CCDC60: variants seen among roughly 807,000 people sequenced by gnomAD.
CCDC60 encodes coiled-coil domain-containing protein 60.
CCDC60 carries 54 observed loss-of-function variants against 63.5 expected under a neutral mutation model. The observed-to-expected ratio is 0.85, with a 90% CI of 0.68 to 1.07. The LOEUF (loss-of-function observed/expected upper bound fraction) is 1.07. Ranked by LOEUF, CCDC60 falls within the 50% of genes least tolerant of loss-of-function variation. CCDC60 has a pLI of 0.00. For synonymous variants in CCDC60, 206 were observed against 238.8 expected (o/e 0.86, Z 1.27); for missense variants, 651 against 684.3 (o/e 0.95, Z 0.54).
At chr12:119,436,731 G>C (rs1055722977) in intron 2 of CCDC60, among the ~76,000 whole-genome samples, 7 of 152,076 alleles carry the variant, frequency 4.6e-5, no homozygotes, top group Admixed American at 1.3e-4. Flanking sequence ...GTAGAGATAG[G>C]GTTTCACCAT....
chr12:119,405,903 G>A (rs1354128016), intron 1 of CCDC60, among the ~76,000 whole-genome samples: 1 of 152,064 alleles, frequency 6.6e-6, no homozygotes, highest in Admixed American at 6.5e-5. Context: ...TGGGTGTGGT[G>A]GCTCACGCCT....
chr12:119,376,547 G>C (rs1309969854), intron 1 of CCDC60, among the ~76,000 whole-genome samples: 1 of 152,146 alleles, frequency 6.6e-6, no homozygotes, highest in African/African-American at 2.4e-5. Context: ...AGGATCGCTT[G>C]AACCTAGGAA....
In CCDC60 at chr12:119,468,218, A is replaced by C. The variant is rs918510689; in HGVS notation, c.171-3776A>C. Among the ~76,000 whole-genome samples the C allele has an allele frequency of 3.9e-5, 6 of 152,144 alleles. No individual in the cohort carries two copies. The East Asian group carries it at 1.2e-3, about 29-fold the overall frequency. On this transcript the variant is annotated intron_variant, in intron 2 of 13. Transcript: ENST00000327554. Reference sequence around the variant, plus strand: ...GAGGCAGGAGAATTGCTTGAACCCAAGAGGTGGGGGTTGCAGTGAGCCGAG... The same window carrying C: ...GAGGCAGGAGAATTGCTTGAACCCACGAGGTGGGGGTTGCAGTGAGCCGAG...
chr12:119,395,648 A>T (rs1462354562), intron 1 of CCDC60, among the ~76,000 whole-genome samples: 1 of 152,254 alleles, frequency 6.6e-6, no homozygotes, highest in Non-Finnish European at 1.5e-5. Context: ...CAGCACGGTA[A>T]TGAGTTTCAC....
intron 2 of CCDC60, among the ~76,000 whole-genome samples, chr12:119,446,468 A>G (rs951160677): frequency 1.3e-5 from 2 of 152,234 alleles, no homozygotes; most frequent in Non-Finnish European, 2.9e-5. Flanking sequence ...TACAATGTCA[A>G]TGATGCCCCT....
At chr12:119,360,220 C>T (rs1249565728) in intron 1 of CCDC60, among the ~76,000 whole-genome samples, 1 of 151,270 alleles carries the variant, frequency 6.6e-6, no homozygotes, top group Non-Finnish European at 1.5e-5. Flanking sequence ...AGGGGCTCCT[C>T]ACTTCCCAGT....
chr12:119,397,073 G>C (rs1956269459), intron 1 of CCDC60, among the ~76,000 whole-genome samples: 1 of 151,694 alleles, frequency 6.6e-6, no homozygotes. Context: ...GGCATCTGGA[G>C]TTGTTCGTTC....
rs373378681 is a variant in CCDC60 at position 119,513,998 on chromosome 12, T to C, written c.884-2625T>C. On this transcript the variant is annotated intron_variant, in intron 7 of 13. Coordinates refer to ENST00000327554, the MANE Select transcript of CCDC60 (RefSeq NM_178499.5). The stretch of plus-strand genomic sequence containing the variant: ...CCCTAGGTAGATCCTTCAGGAGATA[T>C]GCCAGAAGAAGGCATTGTTATCATG... 2.7e-4 allele frequency among the ~76,000 whole-genome samples: 41 copies of C among 152,290 alleles called. No individual in the cohort carries two copies. In the South Asian group the frequency reaches 2.7e-3, roughly 10 times the overall value.
rs145675051 is a variant in CCDC60, at chr12:119,446,084, T to TAATA, written c.170+17331_170+17334dup. On this transcript the variant is annotated intron_variant, in intron 2 of 13. Coordinates refer to ENST00000327554, the MANE Select transcript of CCDC60 (RefSeq NM_178499.5). Reference sequence around the variant, plus strand: ...AATAACTTATGGAAAAATTTAAAAATAATAAATAAATAGTGTTTCCTGACA... The same window carrying TAATA: ...AATAACTTATGGAAAAATTTAAAAATAATAAATAAATAAATAGTGTTTCCTGACA... Among the ~76,000 whole-genome samples the TAATA allele has an allele frequency of 7.1e-3, 1,084 of 152,082 alleles. 35 individuals are homozygous for TAATA. The highest frequency in any genetic ancestry group is 0.057 in the East Asian group (297 of 5,166).
At position 119,537,935 on chromosome 12, in the gene CCDC60, C is replaced by G. The variant is rs560735778; in HGVS notation, c.1552-2679C>G. On this transcript the variant is annotated intron_variant, in intron 13 of 13. Transcript: ENST00000327554. ...AGCTCAAACATCATGCTGGGAGAAC[C>G]AGTACTCTCTTCAGAGCTGTCAGAC... Among the ~76,000 whole-genome samples, 5 of 152,310 alleles carry G rather than the reference C, an allele frequency of 3.3e-5. No individual in the cohort carries two copies. The East Asian group carries it at 5.8e-4, about 18-fold the overall frequency.
intron 7 of CCDC60, among the ~76,000 whole-genome samples, chr12:119,514,665 A>G (rs1012245366): frequency 6.6e-6 from 1 of 152,214 alleles, no homozygotes; most frequent in African/African-American, 2.4e-5. Context: ...TTATAAAGTA[A>G]AAAAGTACAG....
At chr12:119,468,655 T>C (rs1355928702) in intron 2 of CCDC60, among the ~76,000 whole-genome samples, 1 of 150,626 alleles carries the variant, frequency 6.6e-6, no homozygotes, top group African/African-American at 2.4e-5. Flanking sequence ...ATCTAAGATA[T>C]GCCACTAAAA....
intron 1 of CCDC60, among the ~76,000 whole-genome samples, chr12:119,380,347 AC>A (rs752206877): frequency 5.9e-5 from 9 of 152,208 alleles, no homozygotes; most frequent in Non-Finnish European, 1.0e-4. Flanking sequence ...GAATATTTAC[AC>A]CATGGGAATT....
intron 1 of CCDC60, among the ~76,000 whole-genome samples, chr12:119,402,787 T>C (rs1374120875): frequency 6.6e-6 from 1 of 152,168 alleles, no homozygotes; most frequent in African/African-American, 2.4e-5. Flanking sequence ...TGGATTTTGG[T>C]TTAGCCACAG....
chr12:119,515,577 C>T (rs577366113), intron 7 of CCDC60, among the ~76,000 whole-genome samples: 2 of 152,270 alleles, frequency 1.3e-5, no homozygotes, highest in South Asian at 2.1e-4. Context: ...AATCCTCCCA[C>T]CCCGGCCTCC....
chr12:119,523,490 C>T (rs1292464052), intron 10 of CCDC60, among the ~76,000 whole-genome samples: 1 of 152,206 alleles, frequency 6.6e-6, no homozygotes, highest in East Asian at 1.9e-4. Context: ...GAACGACCAT[C>T]CTGATGCTAT....
At chr12:119,479,995 TACACACAC>T (rs56080581) in intron 4 of CCDC60, among the ~76,000 whole-genome samples, 1,532 of 122,052 alleles carry the variant, frequency 0.013, 8 homozygotes, top group Middle Eastern at 0.026. Flanking sequence ...CCGTACATCA[TACACACAC>T]ACACACACAC....
intron 1 of CCDC60, among the ~76,000 whole-genome samples, chr12:119,361,161 G>T (rs1312456512): frequency 6.9e-6 from 1 of 145,824 alleles, no homozygotes; most frequent in African/African-American, 2.6e-5. Flanking sequence ...GGGAGAGGGA[G>T]ACCATGGGGA....
In CCDC60 at chr12:119,360,153, G is replaced by A. The variant is rs1285443239; in HGVS notation, c.90+24887G>A. Among the ~76,000 whole-genome samples, 6 of 150,612 alleles carry A rather than the reference G, an allele frequency of 4.0e-5. No homozygotes were observed. The East Asian group carries it at 6.0e-4, about 15-fold the overall frequency. The stretch of plus-strand genomic sequence containing the variant: ...CACCTCCCGGACGGGGCGGCTGGCC[G>A]GGCGGGGGGCTGACCCCCCCCCACC... On this transcript the variant is annotated intron_variant, in intron 1 of 13. Coordinates refer to ENST00000327554, the MANE Select transcript of CCDC60 (RefSeq NM_178499.5).
Sources: allele counts gnomAD v4.1 joint callset (sites outside exome capture counted in the v4.1 genomes callset), GRCh38; gene constraint gnomAD v4.1.1; transcripts MANE v1.5; gene names NCBI Gene and HGNC (gene_info 2026-07-23, HGNC 2026-07-21).